The following ZSCAN32 variants were observed in gnomAD, a reference collection of about 807,000 sequenced individuals.
ZSCAN32 encodes zinc finger and SCAN domain containing 32.
Under a neutral mutation model 47.4 loss-of-function variants are expected in ZSCAN32, and 52 were observed. The observed-to-expected ratio is 1.10, with a 90% CI of 0.88 to 1.38. ZSCAN32 has a LOEUF of 1.38. Among genes scored for constraint, ZSCAN32 ranks in the 40% most tolerant of loss-of-function variants. The probability of loss-of-function intolerance (pLI) is 0.00; values close to 1 mark genes in which losing one functional copy is unlikely to be tolerated. For synonymous variants in ZSCAN32, 346 were observed against 305.7 expected, an observed-to-expected ratio of 1.13 and a Z score of -1.38; for missense variants, 959 against 846.0, an observed-to-expected ratio of 1.13 and a Z score of -1.66.
intron 1 of ZSCAN32, among the ~76,000 whole-genome samples, chr16:3,398,586 T>C (rs2033594378): frequency 6.6e-6 from 1 of 152,126 alleles, no homozygotes; most frequent in Non-Finnish European, 1.5e-5. Context: ...GCAGTTACAG[T>C]ACCAAAAAAT....
rs142464709 is a variant in ZSCAN32 at position 3,392,174 on chromosome 16, G to A, written c.532+1475C>T. Among the ~76,000 whole-genome samples the A allele has an allele frequency of 1.4e-3, 215 of 152,250 alleles. 1 individual carries two copies. Among genetic ancestry groups the A allele is most frequent in the Middle Eastern group, 6.8e-3 (2 of 294 alleles). ...ACATGTGATTCAACTTATATGAAAT[G>A]TCCACAACAGGTAAATCCATGGAAA... is the stretch of plus-strand genomic sequence containing the variant. On this transcript the variant is annotated intron_variant, in intron 3 of 6. Coordinates refer to ENST00000396852, the MANE Select transcript of ZSCAN32 (RefSeq NM_001284527.2).
At chr16:3,387,347 C>G (rs1391055499) in intron 5 of ZSCAN32, among the ~76,000 whole-genome samples, 1 of 152,224 alleles carries the variant, frequency 6.6e-6, no homozygotes, top group East Asian at 1.9e-4. Context: ...AGGAATACCT[C>G]CTCAGCCAGC....
rs2033097130 is a variant in ZSCAN32 at position 3,393,768 on chromosome 16, G to C, written c.413C>G (p.Ala138Gly). 1 of 1,550,060 alleles carries C rather than the reference G, an allele frequency of 6.5e-7. No individual in the cohort carries two copies. Among genetic ancestry groups the C allele is most frequent in the African/African-American group, 1.4e-5 (1 of 72,976 alleles). The change falls in exon 3 of 7, where the codon GCC becomes GGC. Residue 138 changes from alanine (A) to glycine (G), a missense_variant. Coordinates refer to ENST00000396852, the MANE Select transcript of ZSCAN32 (RefSeq NM_001284527.2). ...KDLKVLMKEMAPLGATRESLR... is the reference protein window; with the variant it reads ...KDLKVLMKEMGPLGATRESLR... ...TGATTCTCTGGTTGCTCCCAAAGGG[G>C]CCATCTCCTTCATGAGTACTTTCAA...
rs1032482095 is a variant in ZSCAN32 at position 3,382,745 on chromosome 16, G to A, written c.*107C>T. The A allele has an allele frequency of 2.0e-6, 3 of 1,483,900 alleles. No individual in the cohort carries two copies. Among genetic ancestry groups the A allele is most frequent in the Non-Finnish European group, 2.7e-6 (3 of 1,115,662 alleles). The allele number at this position is 1,483,900 out of a possible 1,614,324, so 91.9% of individuals were successfully genotyped here. ...TAGACATGGGTCTTAAGATCCAGTAGTCAGTAGGTCTGTTGCAAAGTCAGG... is the reference window on the plus strand; with the variant it reads ...TAGACATGGGTCTTAAGATCCAGTAATCAGTAGGTCTGTTGCAAAGTCAGG... On this transcript the variant is annotated 3_prime_UTR_variant, in exon 7 of 7. Transcript: ENST00000396852.
chr16:3,390,342 T>C (rs976533459), intron 4 of ZSCAN32, 81 bp downstream of exon 4: 52 of 1,411,888 alleles, frequency 3.7e-5, no homozygotes, highest in African/African-American at 8.7e-5. Flanking sequence ...ACACAGAATC[T>C]TTCTCATGTC....
In ZSCAN32 at chr16:3,382,978, A is replaced by G; in HGVS notation, c.1968T>C (p.Thr656=). The change falls in exon 7 of 7, where the codon ACT becomes ACC. Residue 656 remains threonine (T), a synonymous_variant. Coordinates refer to ENST00000396852, the MANE Select transcript of ZSCAN32 (RefSeq NM_001284527.2). ...GAGAACACCTGTAAGGCTTTTCACC[A>G]GTGTGGGTTTTTCGGTGGGCACTGA... The part of the protein sequence containing the change: ...SHFSAHRKTH[T]GEKPYRCSHC... 1 of 1,614,042 alleles carries G rather than the reference A, an allele frequency of 6.2e-7. No homozygotes were observed.
intron 5 of ZSCAN32, among the ~76,000 whole-genome samples, chr16:3,388,307 G>A (rs1410146393): frequency 6.6e-6 from 1 of 152,130 alleles, no homozygotes; most frequent in Non-Finnish European, 1.5e-5. Flanking sequence ...CCTCCATGTA[G>A]GATATGGCTG....
intron 4 of ZSCAN32, 29 bp downstream of exon 4, chr16:3,390,394 A>G (rs27237): frequency 0.88 from 1,348,356 of 1,533,660 alleles, 593,373 homozygotes; most frequent in African/African-American, 0.96. Context: ...TGGGTACTCA[A>G]GAGACAGAAG....
chr16:3,382,570 G>A lies in ZSCAN32; in HGVS notation c.*282C>T, dbSNP rs1048213208. The A allele has an allele frequency of 6.9e-6, 2 of 290,646 alleles. No homozygotes were observed. The highest frequency in any genetic ancestry group is 1.3e-5 in the Non-Finnish European group (2 of 157,662). The allele number at this position is 290,646 out of a possible 1,614,324, so 18.0% of individuals were successfully genotyped here. A position where few individuals can be genotyped will look rare whatever the true frequency, so the allele number is the denominator to read the frequency against. On this transcript the variant is annotated 3_prime_UTR_variant, in exon 7 of 7. Transcript: ENST00000396852. ...TTGGACCACTGGGTGCCCATTCTCA[G>A]TGCTAGGAACAGGAAGACCCTGGTT...
intron 5 of ZSCAN32, 60 bp downstream of exon 5, chr16:3,389,950 T>A: frequency 6.7e-7 from 1 of 1,500,012 alleles, no homozygotes; most frequent in South Asian, 1.3e-5. Context: ...TCAAGTCCTT[T>A]CAGCCTCTCT....
intron 1 of ZSCAN32, among the ~76,000 whole-genome samples, chr16:3,399,971 G>A (rs1306538850): frequency 2.0e-5 from 3 of 152,106 alleles, no homozygotes; most frequent in Non-Finnish European, 4.4e-5. Context: ...AAAGCAGATC[G>A]TAATTTACAT....
chr16:3,400,174 A>G (rs2033755517), intron 1 of ZSCAN32, among the ~76,000 whole-genome samples: 1 of 152,216 alleles, frequency 6.6e-6, no homozygotes, highest in African/African-American at 2.4e-5. Flanking sequence ...AAGGAACTTG[A>G]ACTGCCTTCA....
In ZSCAN32 at chr16:3,382,928, T is replaced by G; in HGVS notation, c.2018A>C (p.Asn673Thr). The change falls in exon 7 of 7, where the codon AAC becomes ACC. Residue 673 changes from asparagine to threonine, a missense_variant. Asn to Thr is a moderately conservative substitution (Grantham distance 65, BLOSUM62 0). Coordinates refer to ENST00000396852, the MANE Select transcript of ZSCAN32 (RefSeq NM_001284527.2). ...CSHCERGFTK[N>T]SALTRHQTVH... Reference sequence around the variant, plus strand: ...TGTCTGATGACGGGTGAGGGCAGAGTTCTTAGTGAAGCCTCTCTCACAGTG... The same window carrying G: ...TGTCTGATGACGGGTGAGGGCAGAGGTCTTAGTGAAGCCTCTCTCACAGTG... 3 of 1,612,994 alleles carry G rather than the reference T, an allele frequency of 1.9e-6. No homozygotes were observed. The highest frequency in any genetic ancestry group is 2.5e-6 in the Non-Finnish European group (3 of 1,179,372).
In ZSCAN32 at chr16:3,383,037, C is replaced by G; in HGVS notation, c.1909G>C (p.Val637Leu). 1.2e-6 allele frequency: 2 copies of G among 1,614,098 alleles called. No homozygotes were observed. The highest frequency in any genetic ancestry group is 8.5e-7 in the Non-Finnish European group (1 of 1,179,992). The change falls in exon 7 of 7, where the codon GTG becomes CTG. Residue 637 changes from valine (V) to leucine (L), a missense_variant. Transcript: ENST00000396852. ...CTATTGTTGAAGATTTTCCCACACA[C>G]TGCACACTTGTATGGGCTCTCCCCA... Reference protein sequence around the residue: ...HTGESPYKCAVCGKIFNNSSH... With the variant: ...HTGESPYKCALCGKIFNNSSH...
chr16:3,387,375 T>C (rs2032140517), intron 5 of ZSCAN32, among the ~76,000 whole-genome samples: 1 of 152,242 alleles, frequency 6.6e-6, no homozygotes, highest in African/African-American at 2.4e-5. Flanking sequence ...TATCTGTTTA[T>C]ATCTCCTGTC....
At chr16:3,390,335 C>T in intron 4 of ZSCAN32, 88 bp downstream of exon 4, 1 of 1,392,938 alleles carries the variant, frequency 7.2e-7, no homozygotes, top group Non-Finnish European at 9.7e-7. Flanking sequence ...ATGGACCACA[C>T]AGAATCTTTC....
intron 5 of ZSCAN32, among the ~76,000 whole-genome samples, chr16:3,386,876 G>A (rs2032069962): frequency 6.6e-6 from 1 of 150,754 alleles, no homozygotes; most frequent in South Asian, 2.1e-4. Context: ...CACCAACATG[G>A]CACATGTATA....
At position 3,397,674 on chromosome 16, in the gene ZSCAN32, G is replaced by C. The variant is rs530389786; in HGVS notation, c.-117C>G. On this transcript the variant is annotated 5_prime_UTR_variant, in exon 2 of 7. Coordinates refer to ENST00000396852, the MANE Select transcript of ZSCAN32 (RefSeq NM_001284527.2). Reference sequence around the variant, plus strand: ...TGCAAGGAATGTCTTTCTGTAATCCGTGGGACATGAGAGTGTCAGACATGT... The same window carrying C: ...TGCAAGGAATGTCTTTCTGTAATCCCTGGGACATGAGAGTGTCAGACATGT... 6 of 1,345,834 alleles carry C rather than the reference G, an allele frequency of 4.5e-6. No homozygotes were observed. The highest frequency in any genetic ancestry group is 5.9e-6 in the Non-Finnish European group (6 of 1,016,052). The allele number at this position is 1,345,834 out of a possible 1,614,324, so 83.4% of individuals were successfully genotyped here.
At chr16:3,389,425 C>G (rs913841564) in intron 5 of ZSCAN32, among the ~76,000 whole-genome samples, 1 of 152,204 alleles carries the variant, frequency 6.6e-6, no homozygotes, top group Non-Finnish European at 1.5e-5. Flanking sequence ...GTCTCTGAAT[C>G]TGCATGGTCA....
Sources: gnomAD v4.1 joint callset for allele counts (sites outside exome capture counted in the v4.1 genomes callset) on GRCh38, gnomAD v4.1.1 for gene constraint, MANE v1.5 for transcripts, NCBI Gene and HGNC (gene_info 2026-07-23, HGNC 2026-07-21) for gene names.